The following EPB41 variants were observed in gnomAD, a reference collection of about 807,000 sequenced individuals.
The protein encoded by EPB41 is erythrocyte membrane protein band 4.1, also known as protein 4.1.
In EPB41, 65 loss-of-function variants were observed where a neutral mutation model predicts 108.0. The observed-to-expected ratio is 0.60, with a 90% CI of 0.49 to 0.74. EPB41 has a LOEUF of 0.74. EPB41 is among the 30% of genes least tolerant of loss of function. The probability of loss-of-function intolerance (pLI) is 0.00; values close to 1 mark genes in which losing one functional copy is unlikely to be tolerated. For missense variants in EPB41, 875 were observed against 1,037.0 expected, an observed-to-expected ratio of 0.84 and a Z score of 2.15; for synonymous variants, 336 against 358.9, an observed-to-expected ratio of 0.94 and a Z score of 0.72.
intron 5 of EPB41, among the ~76,000 whole-genome samples, chr1:29,013,711 T>G (rs1412034497): frequency 6.6e-6 from 1 of 151,948 alleles, no homozygotes; most frequent in African/African-American, 2.4e-5. Context: ...TTATTTTTAG[T>G]AGAGACAGGG....
At chr1:28,949,706 C>T (rs2094630581) in intron 1 of EPB41, among the ~76,000 whole-genome samples, 2 of 151,504 alleles carry the variant, frequency 1.3e-5, no homozygotes, top group South Asian at 2.1e-4. Context: ...TGGGTTCAAG[C>T]GATTCTCCTG....
intron 1 of EPB41, among the ~76,000 whole-genome samples, chr1:28,923,851 G>C (rs546886179): frequency 6.6e-6 from 1 of 152,070 alleles, no homozygotes; most frequent in Admixed American, 6.5e-5. Context: ...TTTATCATGC[G>C]TACTGTGGTA....
chr1:29,009,065 G>GAA (rs1353176681), intron 4 of EPB41, among the ~76,000 whole-genome samples: 2 of 151,546 alleles, frequency 1.3e-5, no homozygotes, highest in Non-Finnish European at 2.9e-5. Context: ...ACACCTCCTC[G>GAA]AACAAACTGA....
rs576128401 is a variant in EPB41 at position 28,966,751 on chromosome 1, G to T, written c.-7-20680G>T. ...GAGGTAGGTAGTCTTCCAGGCAGAA[G>T]AAACCACAAATCCTAAGGTCCTGGC... On this transcript the variant is annotated intron_variant, in intron 1 of 20. Transcript: ENST00000343067. Among the ~76,000 whole-genome samples the T allele has an allele frequency of 2.6e-5, 4 of 152,240 alleles. No individual in the cohort carries two copies. In the East Asian group the frequency reaches 5.8e-4, roughly 22 times the overall value.
chr1:28,941,227 CAAAA>C (rs1340965215), intron 1 of EPB41, among the ~76,000 whole-genome samples: 3 of 150,010 alleles, frequency 2.0e-5, no homozygotes, highest in African/African-American at 7.3e-5. Context: ...ACAAAACAAA[CAAAA>C]AAACTAGGTA....
chr1:29,096,349 G>A (rs1404717364), intron 16 of EPB41: 38 of 985,842 alleles, frequency 3.9e-5, no homozygotes, highest in Non-Finnish European at 4.3e-5. Context: ...AAGAGAAGGA[G>A]GAGGGGGCAG....
chr1:28,894,308 A>G (rs1382395919), intron 1 of EPB41, among the ~76,000 whole-genome samples: 2 of 152,170 alleles, frequency 1.3e-5, no homozygotes, highest in Admixed American at 1.3e-4. Context: ...AAAGGAATGA[A>G]GATATTTATT....
intron 10 of EPB41, 36 bp from the exon 11 acceptor site, chr1:29,039,218 T>A: frequency 6.3e-7 from 1 of 1,586,224 alleles, no homozygotes. Flanking sequence ...ATAAGATGAA[T>A]ATATAATAAT....
At chr1:28,974,271 A>G (rs2095553420) in intron 1 of EPB41, among the ~76,000 whole-genome samples, 2 of 152,224 alleles carry the variant, frequency 1.3e-5, no homozygotes, top group African/African-American at 4.8e-5. Flanking sequence ...CTTTCTTACT[A>G]GAGTAGCCCC....
rs573583298 is a variant in EPB41 at position 29,020,331 on chromosome 1, T to C, written c.1124+1889T>C. 1.3e-4 allele frequency among the ~76,000 whole-genome samples: 20 copies of C among 152,242 alleles called. No homozygotes were observed. In the East Asian group the frequency reaches 3.9e-3, roughly 29 times the overall value. ...ATCCACCTGCCTCGGCCTCCCAAAGTGCTGGGATTACAGCACTTTTATTTA... is the reference window on the plus strand; with the variant it reads ...ATCCACCTGCCTCGGCCTCCCAAAGCGCTGGGATTACAGCACTTTTATTTA... On this transcript the variant is annotated intron_variant, in intron 7 of 20. Coordinates refer to ENST00000343067, the MANE Select transcript of EPB41 (RefSeq NM_001376013.1).
intron 1 of EPB41, among the ~76,000 whole-genome samples, chr1:28,981,812 A>G (rs1236787587): frequency 2.0e-5 from 3 of 150,700 alleles, no homozygotes; most frequent in Non-Finnish European, 3.0e-5. Context: ...TCTTTGGGCA[A>G]CTGTAATATG....
intron 1 of EPB41, among the ~76,000 whole-genome samples, chr1:28,957,117 G>A (rs949813291): frequency 6.6e-6 from 1 of 152,268 alleles, no homozygotes; most frequent in African/African-American, 2.4e-5. Flanking sequence ...TAAAGCTTAA[G>A]TTGGCATAGG....
chr1:28,990,231 C>CAA (rs529982149), intron 2 of EPB41, among the ~76,000 whole-genome samples: 6 of 85,700 alleles, frequency 7.0e-5, no homozygotes, highest in South Asian at 4.1e-4. Flanking sequence ...GATTCCATCT[C>CAA]AAAAAAAAAA....
At chr1:28,970,667 A>G (rs1232481744) in intron 1 of EPB41, among the ~76,000 whole-genome samples, 2 of 152,200 alleles carry the variant, frequency 1.3e-5, no homozygotes, top group Non-Finnish European at 2.9e-5. Context: ...CTCAACTTGG[A>G]AAGAAAGAGA....
At chr1:28,927,856 G>A (rs2093536525) in intron 1 of EPB41, among the ~76,000 whole-genome samples, 3 of 152,170 alleles carry the variant, frequency 2.0e-5, no homozygotes, top group South Asian at 4.1e-4. Context: ...ATAAAAGCCA[G>A]GGTCCCACAG....
chr1:28,950,843 T>G (rs2094691853), intron 1 of EPB41, among the ~76,000 whole-genome samples: 1 of 150,794 alleles, frequency 6.6e-6, no homozygotes, highest in Non-Finnish European at 1.5e-5. Context: ...TTTCTGTACT[T>G]TTTTTTTTTG....
At chr1:29,032,993 G>T in intron 8 of EPB41, 100 bp from the exon 9 acceptor site, 1 of 1,139,038 alleles carries the variant, frequency 8.8e-7, no homozygotes, top group Admixed American at 1.8e-5. Context: ...TGTATGTTTT[G>T]TAACTGTTTT....
At chr1:29,004,404 A>G (rs1331526998) in intron 4 of EPB41, among the ~76,000 whole-genome samples, 16 of 152,244 alleles carry the variant, frequency 1.1e-4, no homozygotes, top group Admixed American at 1.0e-3. Flanking sequence ...ATCATCAGTC[A>G]AACAGAAGTC....
At chr1:28,944,066 A>G (rs2094404526) in intron 1 of EPB41, among the ~76,000 whole-genome samples, 1 of 152,224 alleles carries the variant, frequency 6.6e-6, no homozygotes. Flanking sequence ...AACAATATGG[A>G]TGGAACTAAC....
Sources: allele counts gnomAD v4.1 joint callset (sites outside exome capture counted in the v4.1 genomes callset), GRCh38; gene constraint gnomAD v4.1.1; transcripts MANE v1.5; gene names NCBI Gene and HGNC (gene_info 2026-07-23, HGNC 2026-07-21).